CNTNAP2: variants seen among roughly 807,000 people sequenced by gnomAD.
CNTNAP2 encodes the protein contactin associated protein 2, also known as contactin-associated protein-like 2.
Under a neutral mutation model 155.2 loss-of-function variants are expected in CNTNAP2, and 98 were observed. The ratio of observed to expected loss-of-function variants is 0.63; its 90% CI spans 0.54 to 0.75. The LOEUF is 0.75. Ranked by LOEUF, CNTNAP2 falls within the 30% of genes least tolerant of loss-of-function variation. CNTNAP2 has a pLI of 0.00. For missense variants in CNTNAP2, 1,727 were observed against 1,688.1 expected (o/e 1.02, Z -0.40); for synonymous variants, 651 against 631.2 (o/e 1.03, Z -0.47).
chr7:147,621,320 C>T (rs549295303), intron 12 of CNTNAP2, among the ~76,000 whole-genome samples: 44 of 152,006 alleles, frequency 2.9e-4, no homozygotes, highest in African/African-American at 1.0e-3. Flanking sequence ...ATATTAAGTA[C>T]ACAGAAAAAC....
At chr7:148,246,839 C>T (rs985270413) in intron 20 of CNTNAP2, among the ~76,000 whole-genome samples, 1 of 152,142 alleles carries the variant, frequency 6.6e-6, no homozygotes, top group African/African-American at 2.4e-5. Context: ...CAAGATTAGG[C>T]TACAGTGAAG....
chr7:147,358,894 T>C (rs1329267620), intron 9 of CNTNAP2, among the ~76,000 whole-genome samples: 2 of 152,114 alleles, frequency 1.3e-5, no homozygotes, highest in African/African-American at 4.8e-5. Flanking sequence ...TTACTCCTTG[T>C]TTGGTAAAGC....
chr7:148,362,080 G>A (rs955062385), intron 21 of CNTNAP2, among the ~76,000 whole-genome samples: 5 of 152,174 alleles, frequency 3.3e-5, no homozygotes, highest in East Asian at 1.9e-4. Context: ...ATGGTAGTGC[G>A]TGCCTGTAGT....
chr7:148,009,882 A>G (rs1239289930), intron 15 of CNTNAP2, among the ~76,000 whole-genome samples: 1 of 151,880 alleles, frequency 6.6e-6, no homozygotes, highest in East Asian at 1.9e-4. Flanking sequence ...TCAGTTTTTT[A>G]TTTTTGCAAA....
intron 1 of CNTNAP2, among the ~76,000 whole-genome samples, chr7:146,407,805 C>A (rs987193311): frequency 3.3e-5 from 5 of 151,994 alleles, no homozygotes; most frequent in Admixed American, 3.3e-4. Flanking sequence ...ACAGCAAGAC[C>A]AAGCCCTCCT....
intron 9 of CNTNAP2, among the ~76,000 whole-genome samples, chr7:147,351,719 C>G (rs1316433380): frequency 5.3e-5 from 8 of 151,712 alleles, no homozygotes; most frequent in East Asian, 3.9e-4. Flanking sequence ...TATTGATGCA[C>G]TAGAACTCCA....
At chr7:146,195,784 G>C (rs1387211087) in intron 1 of CNTNAP2, among the ~76,000 whole-genome samples, 1 of 152,136 alleles carries the variant, frequency 6.6e-6, no homozygotes, top group Non-Finnish European at 1.5e-5. Flanking sequence ...CTGAAGCCTT[G>C]GCCCTTTGCC....
intron 13 of CNTNAP2, among the ~76,000 whole-genome samples, chr7:147,873,071 A>G (rs1799355118): frequency 6.6e-6 from 1 of 152,236 alleles, no homozygotes; most frequent in Non-Finnish European, 1.5e-5. Flanking sequence ...GATTGTACTT[A>G]TACATAATAA....
In CNTNAP2 at chr7:147,837,143, C is replaced by T. The variant is rs184248797; in HGVS notation, c.2099-66422C>T. On this transcript the variant is annotated intron_variant, in intron 13 of 23. Transcript: ENST00000361727. Reference sequence around the variant, plus strand: ...TTTCATGCTGCTAATAAAGACATATCCGAGACTGGGCAATTTACAAAAGAA... The same window carrying T: ...TTTCATGCTGCTAATAAAGACATATTCGAGACTGGGCAATTTACAAAAGAA... Among the ~76,000 whole-genome samples, 239 of 152,216 alleles carry T rather than the reference C, an allele frequency of 1.6e-3. 2 individuals carry two copies. The highest frequency in any genetic ancestry group is 5.6e-3 in the African/African-American group (234 of 41,538).
At chr7:147,513,800 A>G (rs1235264171) in intron 11 of CNTNAP2, among the ~76,000 whole-genome samples, 1 of 152,256 alleles carries the variant, frequency 6.6e-6, no homozygotes, top group East Asian at 1.9e-4. Context: ...TCCCATTAAA[A>G]TGGAACCAGA....
chr7:147,289,529 T>G (rs1805256360), intron 8 of CNTNAP2, among the ~76,000 whole-genome samples: 1 of 151,952 alleles, frequency 6.6e-6, no homozygotes, highest in Non-Finnish European at 1.5e-5. Flanking sequence ...CTGCCAAAAG[T>G]GATAAGATTA....
intron 13 of CNTNAP2, among the ~76,000 whole-genome samples, chr7:147,744,984 G>A (rs1055273732): frequency 2.0e-5 from 3 of 152,206 alleles, no homozygotes; most frequent in East Asian, 1.9e-4. Flanking sequence ...AAGATCAAGG[G>A]ACACCTAGTT....
chr7:147,707,227 C>T (rs1584911486), intron 13 of CNTNAP2, among the ~76,000 whole-genome samples: 1 of 152,092 alleles, frequency 6.6e-6, no homozygotes, highest in East Asian at 1.9e-4. Context: ...ATCTATGTAT[C>T]TGGTGTAAAC....
intron 1 of CNTNAP2, among the ~76,000 whole-genome samples, chr7:146,755,623 GAAT>G (rs905117675): frequency 6.6e-6 from 1 of 151,934 alleles, no homozygotes; most frequent in African/African-American, 2.4e-5. Flanking sequence ...CTTATGTTCT[GAAT>G]AATAAGAAAT....
chr7:147,998,113 T>C (rs892911394), intron 15 of CNTNAP2, among the ~76,000 whole-genome samples: 5 of 134,400 alleles, frequency 3.7e-5, no homozygotes, highest in African/African-American at 1.1e-4. Flanking sequence ...CTTTTTTTTT[T>C]TTTTTTTTTT....
Position 147,602,908 on chromosome 7 carries a change from G to A in CNTNAP2, c.1898-36198G>A, listed in dbSNP as rs532405344. 1.3e-3 allele frequency among the ~76,000 whole-genome samples: 191 copies of A among 152,170 alleles called. 1 individual carries two copies. Among genetic ancestry groups the A allele is most frequent in the Middle Eastern group, 3.4e-3 (1 of 292 alleles). ...CTATCATTGTTGGACATTTGGGTTG[G>A]TTCCAAGTCTTTGCTATTGTGAATA... On this transcript the variant is annotated intron_variant, in intron 12 of 23. Transcript: ENST00000361727.
intron 3 of CNTNAP2, among the ~76,000 whole-genome samples, chr7:146,967,661 T>C (rs577354578): frequency 6.6e-6 from 1 of 152,346 alleles, no homozygotes; most frequent in South Asian, 2.1e-4. Flanking sequence ...ATTGATTTTG[T>C]ATCCTGAGAC....
intron 13 of CNTNAP2, chr7:147,673,089 C>T (rs892671692): frequency 3.3e-5 from 5 of 152,014 alleles, no homozygotes; most frequent in African/African-American, 1.2e-4. Flanking sequence ...GACTACAAAT[C>T]AATGGATTTG....
intron 13 of CNTNAP2, among the ~76,000 whole-genome samples, chr7:147,646,250 A>C (rs1228759563): frequency 6.6e-6 from 1 of 152,152 alleles, no homozygotes; most frequent in East Asian, 1.9e-4. Flanking sequence ...GACTTGAAAA[A>C]CTGGCCAACA....
Sources: gnomAD v4.1 joint callset for allele counts (sites outside exome capture counted in the v4.1 genomes callset) on GRCh38, gnomAD v4.1.1 for gene constraint, MANE v1.5 for transcripts, NCBI Gene and HGNC (gene_info 2026-07-23, HGNC 2026-07-21) for gene names.